The following MMP2 variants were observed in gnomAD, a reference collection of about 807,000 sequenced individuals.
MMP2 encodes the protein matrix metallopeptidase 2.
A neutral mutation model predicts 74.8 loss-of-function variants in MMP2; 39 were observed. The ratio of observed to expected loss-of-function variants is 0.52; its 90% CI spans 0.40 to 0.68. MMP2 has a LOEUF of 0.68. Among genes scored for constraint, MMP2 ranks in the 30% least tolerant of loss-of-function variants. MMP2 has a pLI of 0.00. For synonymous variants in MMP2, 367 were observed against 339.8 expected (o/e 1.08, Z -0.88); for missense variants, 803 against 878.3 (o/e 0.91, Z 1.08).
In MMP2 at chr16:55,488,683, C is replaced by T. The variant is rs202049962; in HGVS notation, c.973C>T (p.Arg325Cys). 18 of 1,610,784 alleles carry T rather than the reference C, an allele frequency of 1.1e-5. No homozygotes were observed. The highest frequency in any genetic ancestry group is 2.7e-5 in the African/African-American group (2 of 74,792). The change falls in exon 6 of 13, where the codon CGC (arginine) becomes TGC (cysteine). Residue 325 changes from arginine (R) to cysteine (C), a missense_variant. Physicochemically the swap from Arg to Cys is radical, Grantham distance 180. This residue lies in a region of MMP2 where 555 missense variants were observed against 592.0 expected (regional missense o/e 0.94). Transcript: ENST00000219070. Reference protein sequence around the residue: ...RWCGTTEDYDRDKKYGFCPET... With the variant: ...RWCGTTEDYDCDKKYGFCPET... ...GTGCGGCACCACTGAGGACTACGACCGCGACAAGAAGTATGGCTTCTGCCC... is the reference window on the plus strand; with the variant it reads ...GTGCGGCACCACTGAGGACTACGACTGCGACAAGAAGTATGGCTTCTGCCC...
At chr16:55,480,083 G>A in intron 1 of MMP2, 1 of 166,104 alleles carries the variant, frequency 6.0e-6, no homozygotes. Context: ...AGCTACAGGG[G>A]TCGTTTTTGC....
In MMP2 at chr16:55,483,170, G is replaced by T. The variant is rs1209276608; in HGVS notation, c.380+35G>T. ...CAGGGCTTGGGGAGGCAGGGCCATG[G>T]GGCTGAGGGACACGAGTCTCCTTGA... On this transcript the variant is annotated intron_variant, in intron 2 of 12. Coordinates refer to ENST00000219070, the MANE Select transcript of MMP2 (RefSeq NM_004530.6). The T allele has an allele frequency of 2.6e-6, 4 of 1,561,958 alleles. No homozygotes were observed. The Admixed American group carries it at 5.1e-5, about 20-fold the overall frequency.
At position 55,483,753 on chromosome 16, in the gene MMP2, G is replaced by T. The variant is rs185166962; in HGVS notation, c.381-263G>T. On this transcript the variant is annotated intron_variant, in intron 2 of 12. Coordinates refer to ENST00000219070, the MANE Select transcript of MMP2 (RefSeq NM_004530.6). ...GGCCTAAAAATGTTGGCTGGCCTGG[G>T]ACTCCCTGGGTCTTCAAGGCATTCT... Among the ~76,000 whole-genome samples, 77 of 152,268 alleles carry T rather than the reference G, an allele frequency of 5.1e-4. 1 individual carries two copies. The highest frequency in any genetic ancestry group is 4.3e-4 in the Non-Finnish European group (29 of 68,014).
chr16:55,482,462 G>T, intron 1 of MMP2, among the ~76,000 whole-genome samples: 1 of 152,202 alleles, frequency 6.6e-6, no homozygotes, highest in South Asian at 2.1e-4. Context: ...GGAGTATAAT[G>T]ATTCCATATC....
Position 55,488,704 on chromosome 16 carries a change from T to C in MMP2, c.994T>C (p.Cys332Arg). ...CGACCGCGACAAGAAGTATGGCTTC[T>C]GCCCTGAGACCGGTGGGTGCCACTC... ...DYDRDKKYGF[C>R]PETAMSTVGG... Residue 332 changes from cysteine (C) to arginine (R), a missense_variant, in exon 6 of 13, where the codon TGC becomes CGC. By Grantham distance (180) the Cys-to-Arg change is radical. Around this residue, in one of 3 missense-constraint regions of MMP2, gnomAD observed 555 missense variants for 592.0 expected, o/e 0.94. Transcript: ENST00000219070. 1 of 1,603,568 alleles carries C rather than the reference T, an allele frequency of 6.2e-7. No homozygotes were observed.
In MMP2 at chr16:55,488,641, ACGGATGG is replaced by A; in HGVS notation, c.933_939del (p.Asp312ThrfsTer107). On this transcript the variant is annotated frameshift_variant, in exon 6 of 13. Coordinates refer to ENST00000219070, the MANE Select transcript of MMP2 (RefSeq NM_004530.6). LOFTEE classifies it high-confidence loss of function. ...TGACAGCTGCACCACTGAGGGCCGC[ACGGATGG>A]CTACCGCTGGTGCGGCACCACTGAG... 6.2e-7 allele frequency: 1 copy of A among 1,613,690 alleles called. No homozygotes were observed. Among genetic ancestry groups the A allele is most frequent in the Non-Finnish European group, 8.5e-7 (1 of 1,179,880 alleles).
At chr16:55,502,749 T>G in intron 11 of MMP2, 30 bp from the exon 12 acceptor site, 1 of 1,592,520 alleles carries the variant, frequency 6.3e-7, no homozygotes, top group Non-Finnish European at 8.6e-7. Flanking sequence ...AGAGAGGCCC[T>G]GCTGGTTCAC....
At chr16:55,496,108 G>A (rs1962522405) in intron 9 of MMP2, among the ~76,000 whole-genome samples, 1 of 152,214 alleles carries the variant, frequency 6.6e-6, no homozygotes, top group African/African-American at 2.4e-5. Flanking sequence ...CATCTGGAAG[G>A]CTTGTTAAAA....
chr16:55,483,490 T>C (rs1216620054), intron 2 of MMP2, among the ~76,000 whole-genome samples: 2 of 152,188 alleles, frequency 1.3e-5, no homozygotes, highest in Non-Finnish European at 2.9e-5. Flanking sequence ...GTAATGCTAG[T>C]CATTGTTATT....
chr16:55,504,439 GCATATGTTAT>G (rs149514093), intron 12 of MMP2, among the ~76,000 whole-genome samples: 149 of 152,218 alleles, frequency 9.8e-4, no homozygotes, highest in African/African-American at 3.4e-3. Flanking sequence ...TTTAATAATA[GCATATGTTAT>G]CTGACTTAAT....
chr16:55,479,032 G>T (rs17859829), upstream of MMP2: 8,119 of 142,864 alleles, frequency 0.057, 308 homozygotes, highest in Admixed American at 0.094. Context: ...GGCGGCCGGG[G>T]AAAAGAGGTG....
At chr16:55,501,768 C>T (rs1176282471) in intron 11 of MMP2, among the ~76,000 whole-genome samples, 1 of 152,054 alleles carries the variant, frequency 6.6e-6, no homozygotes, top group East Asian at 1.9e-4. Flanking sequence ...AGGAAGGGAG[C>T]CCCCTAGGAG....
intron 11 of MMP2, 125 bp downstream of exon 11, chr16:55,498,573 G>A: frequency 3.2e-6 from 4 of 1,234,796 alleles, no homozygotes; most frequent in Non-Finnish European, 3.5e-6. Flanking sequence ...CCTCTCTCTG[G>A]TATCTAACCT....
intron 1 of MMP2, among the ~76,000 whole-genome samples, chr16:55,481,406 C>T (rs546058424): frequency 2.4e-4 from 36 of 152,246 alleles, no homozygotes; most frequent in Non-Finnish European, 3.5e-4. Flanking sequence ...GCAGTGAGGA[C>T]GACTAGAGGT....
intron 9 of MMP2, among the ~76,000 whole-genome samples, chr16:55,495,192 G>T (rs1275258554): frequency 6.6e-6 from 1 of 152,212 alleles, no homozygotes; most frequent in Non-Finnish European, 1.5e-5. Flanking sequence ...AACAGCAGAT[G>T]TCAGCACTGC....
intron 7 of MMP2, among the ~76,000 whole-genome samples, chr16:55,491,389 T>C (rs1340459625): frequency 6.6e-6 from 1 of 152,112 alleles, no homozygotes; most frequent in Non-Finnish European, 1.5e-5. Context: ...CTATCCCCAC[T>C]CTTCTTACCT....
intron 7 of MMP2, 58 bp from the exon 8 acceptor site, chr16:55,491,743 A>G: frequency 2.8e-5 from 45 of 1,585,126 alleles, no homozygotes; most frequent in Non-Finnish European, 3.5e-5. Context: ...TCAGGTCTTG[A>G]CTTCTCTCTC....
intron 9 of MMP2, among the ~76,000 whole-genome samples, chr16:55,494,026 T>C (rs1425735714): frequency 6.6e-6 from 1 of 152,200 alleles, no homozygotes; most frequent in Non-Finnish European, 1.5e-5. Flanking sequence ...CTTCCATTCT[T>C]CTATCATCCA....
Position 55,482,898 on chromosome 16 carries a change from A to G in MMP2, c.154-11A>G, listed in dbSNP as rs371842908. On this transcript the variant is annotated splice_polypyrimidine_tract_variant and intron_variant, in intron 1 of 12. Coordinates refer to ENST00000219070, the MANE Select transcript of MMP2 (RefSeq NM_004530.6). Reference sequence around the variant, plus strand: ...GTGGCTAATTGCCTTGGGGGTGTGCATTTCTTTCAGCAATACCTGAACACC... The same window carrying G: ...GTGGCTAATTGCCTTGGGGGTGTGCGTTTCTTTCAGCAATACCTGAACACC... 193 of 1,613,126 alleles carry G rather than the reference A, an allele frequency of 1.2e-4. No homozygotes were observed. The African/African-American group carries it at 2.1e-3, about 18-fold the overall frequency.
Sources: gnomAD v4.1 joint callset for allele counts (sites outside exome capture counted in the v4.1 genomes callset) on GRCh38, gnomAD v4.1.1 for gene constraint, gnomAD v4.1.1 regional missense constraint, MANE v1.5 for transcripts, NCBI Gene and HGNC (gene_info 2026-07-23, HGNC 2026-07-21) for gene names.